The following PCDHA9 variants were observed in gnomAD, a reference collection of about 807,000 sequenced individuals.
The protein encoded by PCDHA9 is protocadherin alpha 9, also known as protocadherin alpha-9.
Under a neutral mutation model 62.0 loss-of-function variants are expected in PCDHA9, and 62 were observed. The ratio of observed to expected loss-of-function variants is 1.00; its 90% CI spans 0.81 to 1.23. The LOEUF is 1.23. PCDHA9 is among the 50% of genes most tolerant of loss of function. PCDHA9 has a pLI of 0.00. For missense variants in PCDHA9, 1,205 were observed against 1,249.8 expected, an observed-to-expected ratio of 0.96 and a Z score of 0.54; for synonymous variants, 557 against 567.6, an observed-to-expected ratio of 0.98 and a Z score of 0.27.
At chr5:140,977,373 A>G (rs1167438428) in intron 1 of PCDHA9, among the ~76,000 whole-genome samples, 1 of 152,168 alleles carries the variant, frequency 6.6e-6, no homozygotes, top group Non-Finnish European at 1.5e-5. Flanking sequence ...TATTTTAGTC[A>G]TATTTCCAGG....
chr5:140,968,301 A>G (rs886575781), intron 1 of PCDHA9: 9 of 1,613,914 alleles, frequency 5.6e-6, no homozygotes, highest in Non-Finnish European at 7.6e-6. Flanking sequence ...CTGGAGAGGG[A>G]GATTCAAGGG....
intron 3 of PCDHA9, 60 bp from the exon 4 acceptor site, chr5:141,009,567 A>T: frequency 6.3e-7 from 1 of 1,575,430 alleles, no homozygotes; most frequent in Admixed American, 1.8e-5. Flanking sequence ...CTCTACCAGC[A>T]GTGTGGCATC....
chr5:140,947,905 G>C (rs181055131), intron 1 of PCDHA9, among the ~76,000 whole-genome samples: 1 of 151,610 alleles, frequency 6.6e-6, no homozygotes, highest in East Asian at 1.9e-4. Flanking sequence ...GGTGAGAGCA[G>C]ACATTCTTGC....
intron 3 of PCDHA9, 64 bp downstream of exon 3, chr5:140,982,627 T>A: frequency 6.3e-7 from 1 of 1,581,770 alleles, no homozygotes; most frequent in Non-Finnish European, 8.6e-7. Flanking sequence ...GACCTACTTT[T>A]GTAAGATCAG....
At chr5:140,878,028 G>A in intron 1 of PCDHA9, 1 of 666,892 alleles carries the variant, frequency 1.5e-6, no homozygotes, top group Non-Finnish European at 2.2e-6. Context: ...AAATATGTAG[G>A]TACAATGGAG....
intron 1 of PCDHA9, among the ~76,000 whole-genome samples, chr5:140,978,436 G>A (rs190191755): frequency 6.6e-6 from 1 of 152,348 alleles, no homozygotes; most frequent in East Asian, 1.9e-4. Flanking sequence ...AGTTGCTGGT[G>A]TTATGACTGG....
chr5:140,850,234 T>A lies in PCDHA9; in HGVS notation c.1739T>A (p.Met580Lys), dbSNP rs2150474836. The A allele has an allele frequency of 8.5e-5, 136 of 1,593,694 alleles. 18 individuals carry two copies. Among genetic ancestry groups the A allele is most frequent in the Non-Finnish European group, 1.1e-4 (134 of 1,167,462 alleles). Reference sequence around the variant, plus strand: ...GGCACTGACGGCGCAGTGAGCGAGATGGTGCTGCGGTCGGTGGGCGCCGGC... The same window carrying A: ...GGCACTGACGGCGCAGTGAGCGAGAAGGTGCTGCGGTCGGTGGGCGCCGGC... ...MRGTDGAVSE[M>K]VLRSVGAGVV... The change falls in exon 1 of 4, where the codon ATG becomes AAG. Residue 580 changes from methionine to lysine, a missense_variant. Around this residue, in one of 3 missense-constraint regions of PCDHA9, gnomAD observed 887 missense variants for 809.5 expected, o/e 1.10. Coordinates refer to ENST00000532602, the MANE Select transcript of PCDHA9 (RefSeq NM_031857.2).
At chr5:140,926,964 C>T (rs149218057) in intron 1 of PCDHA9, 1 of 1,606,346 alleles carries the variant, frequency 6.2e-7, no homozygotes, top group Non-Finnish European at 8.5e-7. Flanking sequence ...AGCTCGAGTA[C>T]TCAGTGCCGG....
At chr5:140,869,529 T>G (rs2051206211) in intron 1 of PCDHA9, 2 of 1,614,166 alleles carry the variant, frequency 1.2e-6, no homozygotes, top group Non-Finnish European at 1.7e-6. Context: ...AGCTGCTGAT[T>G]GCGGAATCTA....
chr5:141,000,887 AAC>A (rs1554257872), intron 3 of PCDHA9, among the ~76,000 whole-genome samples: 4 of 152,188 alleles, frequency 2.6e-5, no homozygotes. Context: ...CAACCTGGGC[AAC>A]AGATATAGAC....
chr5:141,002,271 T>C (rs942626808), intron 3 of PCDHA9, among the ~76,000 whole-genome samples: 3 of 152,220 alleles, frequency 2.0e-5, no homozygotes, highest in African/African-American at 7.2e-5. Context: ...CCAGAGCTGG[T>C]AACAAAGGGA....
At chr5:140,880,663 G>A (rs1324939406) in intron 1 of PCDHA9, among the ~76,000 whole-genome samples, 1 of 152,210 alleles carries the variant, frequency 6.6e-6, no homozygotes, top group African/African-American at 2.4e-5. Flanking sequence ...AGGTAAAGGT[G>A]AGAGTAAATT....
At chr5:140,934,957 G>A (rs2090122349) in intron 1 of PCDHA9, among the ~76,000 whole-genome samples, 1 of 152,250 alleles carries the variant, frequency 6.6e-6, no homozygotes, top group Non-Finnish European at 1.5e-5. Context: ...GATCCCATGT[G>A]CTTGTCACCC....
chr5:140,916,520 G>C (rs1339531103), intron 1 of PCDHA9, among the ~76,000 whole-genome samples: 1 of 152,112 alleles, frequency 6.6e-6, no homozygotes, highest in African/African-American at 2.4e-5. Context: ...GCCAAGACTG[G>C]GTCCTTCCCA....
chr5:140,850,454 C>T lies in PCDHA9; in HGVS notation c.1959C>T (p.Asp653=), dbSNP rs2150484793. Reference sequence around the variant, plus strand: ...AGCGCCTACTGGTGCTGGTGAAAGACCACGGGGAGCCAGCGCTGACGGCCA... The same window carrying T: ...AGCGCCTACTGGTGCTGGTGAAAGATCACGGGGAGCCAGCGCTGACGGCCA... ...PRQRLLVLVK[D]HGEPALTATA... Residue 653 remains aspartate (D), a synonymous_variant, in exon 1 of 4, where the codon GAC becomes GAT. Coordinates refer to ENST00000532602, the MANE Select transcript of PCDHA9 (RefSeq NM_031857.2). The T allele has an allele frequency of 1.3e-6, 2 of 1,597,838 alleles. No homozygotes were observed. Among genetic ancestry groups the T allele is most frequent in the Admixed American group, 1.7e-5 (1 of 59,276 alleles).
chr5:140,868,747 T>C, intron 1 of PCDHA9: 1 of 213,646 alleles, frequency 4.7e-6, no homozygotes, highest in South Asian at 1.1e-4. Context: ...TACAATGCCA[T>C]TTCCATATAT....
intron 1 of PCDHA9, chr5:140,966,787 A>G (rs781920865): frequency 6.5e-7 from 1 of 1,526,816 alleles, no homozygotes; most frequent in African/African-American, 1.4e-5. Context: ...CGGGCACCAG[A>G]CCTGCGGCGA....
Position 141,010,168 on chromosome 5 carries a change from C to T in PCDHA9, c.*231C>T. The T allele has an allele frequency of 6.4e-7, 1 of 1,561,094 alleles. No individual in the cohort carries two copies. On this transcript the variant is annotated 3_prime_UTR_variant, in exon 4 of 4. Coordinates refer to ENST00000532602, the MANE Select transcript of PCDHA9 (RefSeq NM_031857.2). Reference sequence around the variant, plus strand: ...TCTCCACTCTGGCTTGTTTTCAGAACCTAAAAAGCAGACCCAAGTTTCCTT... The same window carrying T: ...TCTCCACTCTGGCTTGTTTTCAGAATCTAAAAAGCAGACCCAAGTTTCCTT...
intron 1 of PCDHA9, chr5:140,928,948 A>G: frequency 1.2e-6 from 2 of 1,614,032 alleles, no homozygotes; most frequent in Non-Finnish European, 1.7e-6. Flanking sequence ...GTATTTAGTA[A>G]TTGCCTTGGC....
Sources: gnomAD v4.1 joint callset for allele counts (sites outside exome capture counted in the v4.1 genomes callset) on GRCh38, gnomAD v4.1.1 for gene constraint, gnomAD v4.1.1 regional missense constraint, MANE v1.5 for transcripts, NCBI Gene and HGNC (gene_info 2026-07-23, HGNC 2026-07-21) for gene names.